Variants in CACNA2D3 observed in about 807,000 individuals in gnomAD.
CACNA2D3 encodes the protein calcium voltage-gated channel auxiliary subunit alpha2delta 3, also known as voltage-dependent calcium channel subunit alpha-2/delta-3.
In CACNA2D3, 60 loss-of-function variants were observed where a neutral mutation model predicts 160.6. That is an observed-to-expected ratio of 0.37 (90% CI 0.30 to 0.46). CACNA2D3 has a LOEUF of 0.46. CACNA2D3 is among the 20% of genes least tolerant of loss of function. CACNA2D3 has a pLI of 1.00. For missense variants in CACNA2D3, 1,205 were observed against 1,365.0 expected (o/e 0.88, Z 1.85); for synonymous variants, 558 against 492.9 (o/e 1.13, Z -1.75).
Position 54,203,622 on chromosome 3 carries a change from A to C in CACNA2D3, c.204+80028A>C, listed in dbSNP as rs114638988. Reference sequence around the variant, plus strand: ...CGCTGATGGGGAAGCCAGAAGGGAGATGGTTTTCCTCTGGAGTTGGGCCAC... The same window carrying C: ...CGCTGATGGGGAAGCCAGAAGGGAGCTGGTTTTCCTCTGGAGTTGGGCCAC... On this transcript the variant is annotated intron_variant, in intron 2 of 37. Coordinates refer to ENST00000474759, the MANE Select transcript of CACNA2D3 (RefSeq NM_018398.3). Among the ~76,000 whole-genome samples, 462 of 152,256 alleles carry C rather than the reference A, an allele frequency of 3.0e-3. 6 individuals are homozygous for C. Among genetic ancestry groups the C allele is most frequent in the African/African-American group, 0.011 (442 of 41,556 alleles).
intron 11 of CACNA2D3, among the ~76,000 whole-genome samples, chr3:54,711,165 G>C (rs1700945216): frequency 1.3e-5 from 2 of 152,134 alleles, no homozygotes. Flanking sequence ...ACCTCTCTGA[G>C]CCAGCTTTCT....
chr3:54,810,741 A>G (rs528795997), intron 13 of CACNA2D3, among the ~76,000 whole-genome samples: 2 of 152,314 alleles, frequency 1.3e-5, no homozygotes, highest in African/African-American at 4.8e-5. Context: ...TTATGTTTGA[A>G]AAAGGGTCCA....
intron 11 of CACNA2D3, among the ~76,000 whole-genome samples, chr3:54,727,557 C>G (rs754760185): frequency 6.6e-6 from 1 of 152,184 alleles, no homozygotes; most frequent in Non-Finnish European, 1.5e-5. Flanking sequence ...CACATATACA[C>G]CATGGAATAC....
intron 5 of CACNA2D3, among the ~76,000 whole-genome samples, chr3:54,551,300 C>T (rs1009627482): frequency 2.0e-5 from 3 of 152,116 alleles, no homozygotes; most frequent in African/African-American, 7.2e-5. Flanking sequence ...TGGTTTTGCC[C>T]ACTGTTTTGT....
chr3:54,834,237 A>G (rs953353809), intron 14 of CACNA2D3, among the ~76,000 whole-genome samples: 1 of 152,190 alleles, frequency 6.6e-6, no homozygotes, highest in Non-Finnish European at 1.5e-5. Flanking sequence ...TGTCAATGGT[A>G]TGTTTTTATT....
At chr3:54,967,751 A>G (rs1702184124) in intron 27 of CACNA2D3, among the ~76,000 whole-genome samples, 1 of 152,188 alleles carries the variant, frequency 6.6e-6, no homozygotes, top group African/African-American at 2.4e-5. Flanking sequence ...CTCATGTTAT[A>G]GTTTTGAGGT....
At chr3:54,208,392 G>GCCA (rs1701309887) in intron 2 of CACNA2D3, among the ~76,000 whole-genome samples, 1 of 152,172 alleles carries the variant, frequency 6.6e-6, no homozygotes, top group Non-Finnish European at 1.5e-5. Flanking sequence ...ACAGGTGTGA[G>GCCA]CCACCACACC....
chr3:54,363,739 A>ACC (rs1270478175), intron 3 of CACNA2D3, among the ~76,000 whole-genome samples: 1 of 152,170 alleles, frequency 6.6e-6, no homozygotes, highest in African/African-American at 2.4e-5. Flanking sequence ...GATCACCAAA[A>ACC]CCCACAGTAA....
At chr3:54,416,383 TCTC>T (rs1699754466) in intron 4 of CACNA2D3, among the ~76,000 whole-genome samples, 1 of 151,998 alleles carries the variant, frequency 6.6e-6, no homozygotes, top group Admixed American at 6.6e-5. Flanking sequence ...CCCTTTTCTG[TCTC>T]CTCCAGCAAA....
chr3:54,502,664 T>G (rs529882406), intron 4 of CACNA2D3, among the ~76,000 whole-genome samples: 26 of 152,348 alleles, frequency 1.7e-4, no homozygotes, highest in African/African-American at 6.3e-4. Context: ...TGGCCTGTAT[T>G]TGAATTCTGG....
chr3:54,634,375 T>G (rs1025972421), intron 10 of CACNA2D3: 5 of 152,224 alleles, frequency 3.3e-5, no homozygotes, highest in Admixed American at 2.6e-4. Flanking sequence ...AATTGCCCCC[T>G]CCCATTTCTT....
chr3:54,239,238 A>G (rs1701935310), intron 2 of CACNA2D3, among the ~76,000 whole-genome samples: 1 of 152,194 alleles, frequency 6.6e-6, no homozygotes, highest in African/African-American at 2.4e-5. Context: ...TTAGGCATTG[A>G]ATTTTTGAGT....
chr3:54,160,408 G>A (rs1326287435), intron 2 of CACNA2D3, among the ~76,000 whole-genome samples: 4 of 152,222 alleles, frequency 2.6e-5, no homozygotes, highest in Non-Finnish European at 4.4e-5. Flanking sequence ...GCTGAGGCAG[G>A]AGAACTGCTT....
At chr3:55,059,553 C>G (rs941640387) in intron 35 of CACNA2D3, among the ~76,000 whole-genome samples, 1 of 152,108 alleles carries the variant, frequency 6.6e-6, no homozygotes, top group Non-Finnish European at 1.5e-5. Flanking sequence ...GCTCCAGCCC[C>G]ACGGTGGCAA....
intron 3 of CACNA2D3, among the ~76,000 whole-genome samples, chr3:54,373,465 A>G (rs894706548): frequency 6.6e-6 from 1 of 152,192 alleles, no homozygotes; most frequent in Admixed American, 6.5e-5. Context: ...TTAAATATAT[A>G]CATTTCACAA....
In CACNA2D3 at chr3:54,973,087, A is replaced by G. The variant is rs76617008; in HGVS notation, c.2556+3243A>G. Among the ~76,000 whole-genome samples, 729 of 152,226 alleles carry G rather than the reference A, an allele frequency of 4.8e-3. 5 individuals are homozygous for G. Among genetic ancestry groups the G allele is most frequent in the African/African-American group, 0.016 (671 of 41,556 alleles). On this transcript the variant is annotated intron_variant, in intron 29 of 37. Transcript: ENST00000474759. The stretch of plus-strand genomic sequence containing the variant: ...TCAGCGAAGGCTTCTCTGAGGGGGT[A>G]ACATTTAAGTCAGCCAAAGAAGGAG...
chr3:54,896,635 T>G (rs1326131023), intron 25 of CACNA2D3, 114 bp from the exon 26 acceptor site: 2 of 1,250,032 alleles, frequency 1.6e-6, no homozygotes, highest in East Asian at 2.3e-5. Context: ...GAAAGGCAAG[T>G]TGGGGTTCTA....
chr3:54,909,302 A>T (rs1383179462), intron 27 of CACNA2D3, among the ~76,000 whole-genome samples: 1 of 152,182 alleles, frequency 6.6e-6, no homozygotes, highest in African/African-American at 2.4e-5. Flanking sequence ...TTTGGTGGAA[A>T]ACAGTTTATG....
Position 54,245,795 on chromosome 3 carries a change from C to T in CACNA2D3, c.205-74647C>T, listed in dbSNP as rs924743455. On this transcript the variant is annotated intron_variant, in intron 2 of 37. Coordinates refer to ENST00000474759, the MANE Select transcript of CACNA2D3 (RefSeq NM_018398.3). ...AGTATTAAAAATTGTCACCAGTGCC[C>T]CCACCCCTTGTTTCATCTTCAAATG... Among the ~76,000 whole-genome samples, 5 of 152,212 alleles carry T rather than the reference C, an allele frequency of 3.3e-5. No individual in the cohort carries two copies. In the East Asian group the frequency reaches 5.8e-4, roughly 18 times the overall value.
Sources: allele counts gnomAD v4.1 joint callset (sites outside exome capture counted in the v4.1 genomes callset), GRCh38; gene constraint gnomAD v4.1.1; transcripts MANE v1.5; gene names NCBI Gene and HGNC (gene_info 2026-07-23, HGNC 2026-07-21).